FHIT: variants seen among roughly 807,000 people sequenced by gnomAD.
FHIT encodes fragile histidine triad diadenosine triphosphatase, also known as bis(5'-adenosyl)-triphosphatase.
FHIT carries 19 observed loss-of-function variants against 17.9 expected under a neutral mutation model. That is an observed-to-expected ratio of 1.06 (90% CI 0.74 to 1.56). FHIT has a LOEUF of 1.56. Among genes scored for constraint, FHIT ranks in the 40% most tolerant of loss-of-function variants. FHIT has a pLI of 0.00. For missense variants in FHIT, 248 were observed against 189.2 expected (o/e 1.31, Z -1.82); for synonymous variants, 81 against 69.7 (o/e 1.16, Z -0.81).
chr3:60,196,261 C>T (rs752813244), intron 5 of FHIT, among the ~76,000 whole-genome samples: 43 of 152,086 alleles, frequency 2.8e-4, no homozygotes, highest in Non-Finnish European at 5.4e-4. Context: ...GTTCAGAATC[C>T]ATTCCCTTAC....
Position 60,864,667 on chromosome 3 carries a change from G to A in FHIT, c.-110-42656C>T, listed in dbSNP as rs114978218. Among the ~76,000 whole-genome samples the A allele has an allele frequency of 3.8e-3, 571 of 152,226 alleles. 4 individuals carry two copies. The highest frequency in any genetic ancestry group is 0.013 in the African/African-American group (546 of 41,538). ...CTTGAAAGACTTGAACCTCTCAGCA[G>A]TTTGAATTTCGTTCTAAAGCTATCA... On this transcript the variant is annotated intron_variant, in intron 3 of 9. Transcript: ENST00000492590.
intron 5 of FHIT, among the ~76,000 whole-genome samples, chr3:60,196,142 T>G (rs1702631007): frequency 6.6e-6 from 1 of 152,192 alleles, no homozygotes; most frequent in African/African-American, 2.4e-5. Flanking sequence ...ACTTAGGGCT[T>G]GAAACAACAC....
intron 5 of FHIT, among the ~76,000 whole-genome samples, chr3:60,144,618 A>G (rs556621566): frequency 6.6e-6 from 1 of 152,272 alleles, no homozygotes; most frequent in South Asian, 2.1e-4. Flanking sequence ...TAATGAATAC[A>G]TTATAATTGT....
chr3:60,205,545 G>T (rs766110789), intron 5 of FHIT, among the ~76,000 whole-genome samples: 11 of 152,162 alleles, frequency 7.2e-5, no homozygotes, highest in Non-Finnish European at 1.6e-4. Context: ...GAGCAAAGGA[G>T]TTGGGGAGTT....
At chr3:60,423,627 A>G (rs1702556758) in intron 5 of FHIT, among the ~76,000 whole-genome samples, 1 of 152,140 alleles carries the variant, frequency 6.6e-6, no homozygotes, top group Admixed American at 6.6e-5. Flanking sequence ...TTTCTTATGT[A>G]TTAAGGTCTA....
chr3:60,080,424 A>C lies in FHIT; in HGVS notation c.104-66272T>G, dbSNP rs549734169. Among the ~76,000 whole-genome samples, 25 of 152,238 alleles carry C rather than the reference A, an allele frequency of 1.6e-4. No homozygotes were observed. In the South Asian group the frequency reaches 5.2e-3, roughly 32 times the overall value. Reference sequence around the variant, plus strand: ...AGATGGACAGTCCCAGTTTCAAGTAAATAAAATATTTGCATATTAGAGCCT... The same window carrying C: ...AGATGGACAGTCCCAGTTTCAAGTACATAAAATATTTGCATATTAGAGCCT... On this transcript the variant is annotated intron_variant, in intron 5 of 9. Transcript: ENST00000492590.
At chr3:60,456,437 C>A (rs2032099049) in intron 5 of FHIT, among the ~76,000 whole-genome samples, 1 of 152,188 alleles carries the variant, frequency 6.6e-6, no homozygotes, top group Non-Finnish European at 1.5e-5. Flanking sequence ...TGCAAGGTCA[C>A]ACTTTGGGGA....
chr3:60,147,393 C>T (rs557096720), intron 5 of FHIT, among the ~76,000 whole-genome samples: 6 of 152,196 alleles, frequency 3.9e-5, no homozygotes, highest in African/African-American at 9.6e-5. Context: ...CTCTGGGTTT[C>T]GAAGGAAACC....
At chr3:60,156,655 G>A (rs1012805386) in intron 5 of FHIT, among the ~76,000 whole-genome samples, 3 of 152,092 alleles carry the variant, frequency 2.0e-5, no homozygotes, top group Non-Finnish European at 4.4e-5. Context: ...AGGAGGCTGA[G>A]GTGAGAGGAT....
chr3:59,955,191 T>C (rs1408057234), intron 7 of FHIT, among the ~76,000 whole-genome samples: 2 of 152,234 alleles, frequency 1.3e-5, no homozygotes, highest in African/African-American at 4.8e-5. Flanking sequence ...ATCAGTGACC[T>C]TCACTTTGCC....
intron 5 of FHIT, among the ~76,000 whole-genome samples, chr3:60,245,015 T>C (rs2107580217): frequency 6.6e-6 from 1 of 152,124 alleles, no homozygotes. Flanking sequence ...CAAAATTGTG[T>C]TTAGCGGCAG....
At chr3:60,634,811 A>G (rs563691067) in intron 4 of FHIT, among the ~76,000 whole-genome samples, 31 of 152,382 alleles carry the variant, frequency 2.0e-4, no homozygotes, top group South Asian at 4.1e-4. Context: ...ACATGCATTT[A>G]AAAGTCACAG....
At chr3:60,053,491 A>T (rs1430133571) in intron 5 of FHIT, among the ~76,000 whole-genome samples, 2 of 151,288 alleles carry the variant, frequency 1.3e-5, no homozygotes, top group African/African-American at 4.9e-5. Context: ...TAGACATGTT[A>T]TTGTTCGTCA....
At chr3:60,571,389 A>C (rs1483238343) in intron 4 of FHIT, among the ~76,000 whole-genome samples, 5 of 149,556 alleles carry the variant, frequency 3.3e-5, no homozygotes, top group Non-Finnish European at 7.4e-5. Flanking sequence ...TATTACCAAC[A>C]CTGAGATCAA....
intron 4 of FHIT, among the ~76,000 whole-genome samples, chr3:60,758,169 C>T (rs1370474959): frequency 1.3e-5 from 2 of 152,194 alleles, no homozygotes; most frequent in Non-Finnish European, 2.9e-5. Context: ...CAGGTGGCCT[C>T]TGCCAAGGGG....
intron 7 of FHIT, among the ~76,000 whole-genome samples, chr3:59,964,322 C>T (rs1426794931): frequency 6.6e-6 from 1 of 152,116 alleles, no homozygotes; most frequent in Non-Finnish European, 1.5e-5. Flanking sequence ...ATGCCATTCA[C>T]ATTCATGTGT....
intron 7 of FHIT, among the ~76,000 whole-genome samples, chr3:59,976,523 G>A (rs1708418545): frequency 6.6e-6 from 1 of 151,956 alleles, no homozygotes; most frequent in Non-Finnish European, 1.5e-5. Context: ...CCTATGTCAT[G>A]GAGGGGTCAT....
chr3:59,750,919 ATTTTG>A (rs1559568622), intron 9 of FHIT: 1 of 193,562 alleles, frequency 5.2e-6, no homozygotes, highest in Admixed American at 6.1e-5. Flanking sequence ...TTATTCACTA[ATTTTG>A]TTTTTTATTT....
intron 5 of FHIT, among the ~76,000 whole-genome samples, chr3:60,173,909 A>ATTTTTT (rs1265683403): frequency 1.4e-5 from 1 of 69,760 alleles, no homozygotes; most frequent in Non-Finnish European, 2.7e-5. Flanking sequence ...ATATATATAT[A>ATTTTTT]TATATATGTT....
Sources: gnomAD v4.1 joint callset for allele counts (sites outside exome capture counted in the v4.1 genomes callset) on GRCh38, gnomAD v4.1.1 for gene constraint, MANE v1.5 for transcripts, NCBI Gene and HGNC (gene_info 2026-07-23, HGNC 2026-07-21) for gene names.